The following GYPB variants were observed in gnomAD, a reference collection of about 807,000 sequenced individuals.
GYPB encodes glycophorin B (MNS blood group).
In GYPB, 13 loss-of-function variants were observed where a neutral mutation model predicts 15.3. The ratio of observed to expected loss-of-function variants is 0.85; its 90% CI spans 0.55 to 1.35. The LOEUF (loss-of-function observed/expected upper bound fraction) is 1.35, where lower values mean the gene tolerates loss of function less well. GYPB is among the 40% of genes most tolerant of loss of function. The pLI is 0.00. For synonymous variants in GYPB, 38 were observed against 36.9 expected (o/e 1.03, Z -0.11); for missense variants, 131 against 108.3 (o/e 1.21, Z -0.93).
chr4:144,010,434 A>G (rs569040206), intron 1 of GYPB, among the ~76,000 whole-genome samples: 1 of 151,626 alleles, frequency 6.6e-6, no homozygotes, highest in South Asian at 2.1e-4. Context: ...GTGCCGTTGC[A>G]GTCCAGCTTA....
chr4:144,011,518 T>C (rs1728220752), intron 1 of GYPB, among the ~76,000 whole-genome samples: 1 of 151,276 alleles, frequency 6.6e-6, no homozygotes, highest in African/African-American at 2.5e-5. Context: ...TTCACAATGA[T>C]TCTTAAGTAA....
chr4:144,010,694 G>A (rs753868412), intron 1 of GYPB, among the ~76,000 whole-genome samples: 3 of 151,238 alleles, frequency 2.0e-5, no homozygotes, highest in Non-Finnish European at 2.9e-5. Context: ...CAGATCAATA[G>A]CGTATGACAT....
chr4:144,007,680 T>G (rs1227104736), intron 1 of GYPB, among the ~76,000 whole-genome samples: 1 of 151,650 alleles, frequency 6.6e-6, no homozygotes, highest in African/African-American at 2.4e-5. Flanking sequence ...AGAGTTCTAT[T>G]CCTGGCTTTG....
chr4:144,017,337 CAAA>C (rs201667502), intron 1 of GYPB, among the ~76,000 whole-genome samples: 1 of 99,544 alleles, frequency 1.0e-5, no homozygotes, highest in Non-Finnish European at 2.2e-5. Flanking sequence ...TTTTTCATAG[CAAA>C]AAAAAAAAAG....
At chr4:143,995,493 G>A (rs1727275730), downstream of GYPB, among the ~76,000 whole-genome samples, 1 of 151,252 alleles carries the variant, frequency 6.6e-6, no homozygotes. Context: ...TGCACATTGG[G>A]ACCCCAGGTC....
chr4:144,000,581 C>G (rs1300726712), intron 2 of GYPB: 1 of 330,216 alleles, frequency 3.0e-6, no homozygotes, highest in Non-Finnish European at 5.8e-6. Context: ...AGCAGCAGCT[C>G]CAGAATTTCT....
intron 1 of GYPB, chr4:144,002,433 C>A (rs1252629532): frequency 2.8e-6 from 1 of 361,088 alleles, no homozygotes; most frequent in South Asian, 2.6e-5. Flanking sequence ...ATTTTTATGA[C>A]TGCAGAGTAT....
rs533113774 is a variant in GYPB at position 144,015,138 on chromosome 4, T to C, written c.37+4113A>G. ...TTAGAAAGCAGAGATTGTGTTTGTT[T>C]GGTTTACTTTTTAAAATATATTAAA... is the stretch of plus-strand genomic sequence containing the variant. On this transcript the variant is annotated intron_variant, in intron 1 of 4. Coordinates refer to ENST00000502664, the MANE Select transcript of GYPB (RefSeq NM_002100.6). Among the ~76,000 whole-genome samples, 23 of 151,632 alleles carry C rather than the reference T, an allele frequency of 1.5e-4. 2 individuals carry two copies. The highest frequency in any genetic ancestry group is 6.8e-3 in the Middle Eastern group (2 of 294).
Position 144,018,795 on chromosome 4 carries a change from G to A in GYPB, c.37+456C>T, listed in dbSNP as rs568955153. The stretch of plus-strand genomic sequence containing the variant: ...CACAGAGAAGCAAACAACTCCCCAC[G>A]GTTTCAGTGTTCATCCTTTTGGCTT... On this transcript the variant is annotated intron_variant, in intron 1 of 4. Transcript: ENST00000502664. Among the ~76,000 whole-genome samples the A allele has an allele frequency of 6.7e-5, 10 of 149,416 alleles. 1 individual carries two copies. Among genetic ancestry groups the A allele is most frequent in the African/African-American group, 1.3e-4 (5 of 39,944 alleles).
intron 2 of GYPB, chr4:144,000,289 G>A (rs926920622): frequency 1.9e-5 from 4 of 216,142 alleles, no homozygotes; most frequent in African/African-American, 4.8e-5. Context: ...TTTCTGTCAC[G>A]AAAGTTTGAG....
At chr4:143,996,406 C>G (rs1432039301) in intron 4 of GYPB, 102 bp from the exon 5 acceptor site, 13 of 1,542,638 alleles carry the variant, frequency 8.4e-6, no homozygotes, top group African/African-American at 2.8e-5. Context: ...CCTTCACAGG[C>G]TGTAGCCAAT....
At chr4:144,008,738 C>G (rs1180406820) in intron 1 of GYPB, among the ~76,000 whole-genome samples, 2 of 151,504 alleles carry the variant, frequency 1.3e-5, no homozygotes, top group African/African-American at 4.9e-5. Context: ...CCAAAGTTCT[C>G]ACACCACTGG....
intron 4 of GYPB, 195 bp downstream of exon 4, chr4:143,997,345 G>A: frequency 4.2e-6 from 2 of 481,090 alleles, no homozygotes; most frequent in Non-Finnish European, 7.6e-6. Context: ...TATATTTAGA[G>A]GTTCCCTTTA....
In GYPB at chr4:144,008,820, T is replaced by C. The variant is rs577045233; in HGVS notation, c.38-7537A>G. On this transcript the variant is annotated intron_variant, in intron 1 of 4. Transcript: ENST00000502664. Reference sequence around the variant, plus strand: ...TAGTTTGTTCTCATCCTTGACTGCATGGTAGAATCATCTGTGATATCCAGG... The same window carrying C: ...TAGTTTGTTCTCATCCTTGACTGCACGGTAGAATCATCTGTGATATCCAGG... Among the ~76,000 whole-genome samples, 165 of 151,658 alleles carry C rather than the reference T, an allele frequency of 1.1e-3. 13 individuals carry two copies. Among genetic ancestry groups the C allele is most frequent in the African/African-American group, 3.9e-3 (161 of 40,914 alleles).
At chr4:144,006,013 G>A (rs1232482587) in intron 1 of GYPB, among the ~76,000 whole-genome samples, 7 of 151,698 alleles carry the variant, frequency 4.6e-5, no homozygotes, top group Non-Finnish European at 8.8e-5. Context: ...AGAGTTTAAT[G>A]ATTAAGTGGC....
rs1472425456 is a variant in GYPB at position 144,012,764 on chromosome 4, A to G, written c.37+6487T>C. ...ATGGTGCTGGGACAACTGCAAAATAATAAAGGTGGACTCTTGTCATACATC... is the reference window on the plus strand; with the variant it reads ...ATGGTGCTGGGACAACTGCAAAATAGTAAAGGTGGACTCTTGTCATACATC... On this transcript the variant is annotated intron_variant, in intron 1 of 4. Transcript: ENST00000502664. 2.7e-5 allele frequency: 4 copies of G among 150,658 alleles called. 1 individual carries two copies. Among genetic ancestry groups the G allele is most frequent in the African/African-American group, 9.9e-5 (4 of 40,242 alleles). The allele number at this position is 150,658 out of a possible 1,614,324, so 9.3% of individuals were successfully genotyped here.
intron 1 of GYPB, among the ~76,000 whole-genome samples, chr4:144,003,944 AT>A (rs1727747003): frequency 1.3e-5 from 2 of 151,516 alleles, no homozygotes; most frequent in Admixed American, 6.5e-5. Flanking sequence ...GCTCTGAACT[AT>A]TGTCAGAACT....
chr4:143,998,152 A>G (rs1172695190), intron 3 of GYPB, among the ~76,000 whole-genome samples: 1 of 151,444 alleles, frequency 6.6e-6, no homozygotes, highest in Non-Finnish European at 1.5e-5. Context: ...AGTTAAAAGT[A>G]GAATTATAAC....
At chr4:143,995,992 T>G (rs573451740), downstream of GYPB, 195 of 428,056 alleles carry the variant, frequency 4.6e-4, no homozygotes, top group South Asian at 5.1e-3. Flanking sequence ...TTCTGCATGT[T>G]CTCCGCTGTT....
Sources: gnomAD v4.1 joint callset for allele counts (sites outside exome capture counted in the v4.1 genomes callset) on GRCh38, gnomAD v4.1.1 for gene constraint, MANE v1.5 for transcripts, NCBI Gene and HGNC (gene_info 2026-07-23, HGNC 2026-07-21) for gene names.